The following SLC35F2 variants were observed in gnomAD, a reference collection of about 807,000 sequenced individuals.
The protein encoded by SLC35F2 is queuine/queuosine transporter SLC35F2.
Under a neutral mutation model 38.1 loss-of-function variants are expected in SLC35F2, and 25 were observed. The observed-to-expected ratio is 0.66, with a 90% confidence interval of 0.48 to 0.92. The LOEUF (loss-of-function observed/expected upper bound fraction) is 0.92. Among genes scored for constraint, SLC35F2 ranks in the 40% least tolerant of loss-of-function variants. SLC35F2 has a pLI of 0.00. For synonymous variants in SLC35F2, 173 were observed against 181.7 expected, an observed-to-expected ratio of 0.95 and a Z score of 0.38; for missense variants, 409 against 452.9, an observed-to-expected ratio of 0.90 and a Z score of 0.88.
chr11:107,832,798 C>T (rs1859866638), intron 1 of SLC35F2, among the ~76,000 whole-genome samples: 1 of 152,134 alleles, frequency 6.6e-6, no homozygotes, highest in Non-Finnish European at 1.5e-5. Flanking sequence ...CAGAGTGAGA[C>T]CCTGTCTCAA....
At chr11:107,818,116 G>T (rs1347623800) in intron 1 of SLC35F2, among the ~76,000 whole-genome samples, 1 of 139,502 alleles carries the variant, frequency 7.2e-6, no homozygotes, top group Admixed American at 7.1e-5. Context: ...AAGAAAGAAA[G>T]AAAGAAAGAA....
Position 107,851,913 on chromosome 11 carries a change from T to C in SLC35F2, c.110+6745A>G, listed in dbSNP as rs186702679. On this transcript the variant is annotated intron_variant, in intron 1 of 7. Transcript: ENST00000525815. ...TTAAATAACACTATAAACAATACCC[T>C]TCAGCAGGGATACATACCAGCTTGG... Among the ~76,000 whole-genome samples the C allele has an allele frequency of 1.3e-3, 200 of 152,338 alleles. 1 individual carries two copies. The highest frequency in any genetic ancestry group is 4.7e-3 in the African/African-American group (196 of 41,580).
At chr11:107,833,371 T>A (rs1175572450) in intron 1 of SLC35F2, among the ~76,000 whole-genome samples, 1 of 151,834 alleles carries the variant, frequency 6.6e-6, no homozygotes, top group African/African-American at 2.4e-5. Flanking sequence ...AATACAAAAT[T>A]AGCCAGGCGT....
At chr11:107,851,583 T>TA (rs1021755694) in intron 1 of SLC35F2, among the ~76,000 whole-genome samples, 6 of 151,114 alleles carry the variant, frequency 4.0e-5, no homozygotes, top group African/African-American at 7.3e-5. Flanking sequence ...AAATTTTTTC[T>TA]AAAAAAAAGG....
intron 1 of SLC35F2, among the ~76,000 whole-genome samples, chr11:107,838,665 G>A (rs1269618954): frequency 2.5e-5 from 3 of 119,096 alleles, no homozygotes; most frequent in Non-Finnish European, 5.0e-5. Context: ...GTCTTGCTCT[G>A]TCCCCCAGGC....
At chr11:107,815,020 G>A (rs1409952768) in intron 2 of SLC35F2, among the ~76,000 whole-genome samples, 1 of 152,072 alleles carries the variant, frequency 6.6e-6, no homozygotes, top group Non-Finnish European at 1.5e-5. Flanking sequence ...GGAGGTTGCA[G>A]TGAGCCAAGA....
chr11:107,806,603 TAC>T, intron 4 of SLC35F2, 112 bp downstream of exon 4: 1 of 950,490 alleles, frequency 1.1e-6, no homozygotes, highest in Non-Finnish European at 1.7e-6. Context: ...TGTTCTCACC[TAC>T]ACAGTGACTT....
chr11:107,853,087 A>C lies in SLC35F2; in HGVS notation c.110+5571T>G, dbSNP rs576002732. Among the ~76,000 whole-genome samples, 20 of 152,120 alleles carry C rather than the reference A, an allele frequency of 1.3e-4. No homozygotes were observed. In the South Asian group the frequency reaches 3.9e-3, roughly 30 times the overall value. Reference sequence around the variant, plus strand: ...TCCAGCCCATGCCCCCTTCACACCAAGCTACTTGAAGTTCCTTAAGCAAAA... The same window carrying C: ...TCCAGCCCATGCCCCCTTCACACCACGCTACTTGAAGTTCCTTAAGCAAAA... On this transcript the variant is annotated intron_variant, in intron 1 of 7. Transcript: ENST00000525815.
chr11:107,807,271 CAAA>C (rs201964530), intron 3 of SLC35F2, among the ~76,000 whole-genome samples: 4 of 70,898 alleles, frequency 5.6e-5, no homozygotes, highest in Admixed American at 5.5e-4. Flanking sequence ...CCTGTCTGTA[CAAA>C]AAAAAAAAAA....
Position 107,827,642 on chromosome 11 carries a change from G to A in SLC35F2, c.111-11677C>T, listed in dbSNP as rs527618670. ...CATGCACCTGTAATCCCAGCTACTC[G>A]GAAGGCTGAGGCAAGAGAATCACTA... On this transcript the variant is annotated intron_variant, in intron 1 of 7. Transcript: ENST00000525815. Among the ~76,000 whole-genome samples the A allele has an allele frequency of 3.9e-4, 60 of 152,162 alleles. 1 individual carries two copies. Among genetic ancestry groups the A allele is most frequent in the Admixed American group, 3.6e-3 (55 of 15,272 alleles).
chr11:107,839,422 C>T (rs1419442128), intron 1 of SLC35F2, among the ~76,000 whole-genome samples: 2 of 152,130 alleles, frequency 1.3e-5, no homozygotes, highest in Admixed American at 6.6e-5. Context: ...GATCACACCA[C>T]TGCACTCCAG....
At chr11:107,833,207 A>C (rs1431428041) in intron 1 of SLC35F2, among the ~76,000 whole-genome samples, 1 of 152,160 alleles carries the variant, frequency 6.6e-6, no homozygotes, top group African/African-American at 2.4e-5. Flanking sequence ...GTGTGGTTGC[A>C]GATGAAGAAA....
intron 1 of SLC35F2, among the ~76,000 whole-genome samples, chr11:107,837,733 G>A (rs1024748250): frequency 5.9e-5 from 9 of 151,954 alleles, no homozygotes; most frequent in Non-Finnish European, 1.0e-4. Context: ...TGGGAATAAA[G>A]ATAGTAAGAA....
chr11:107,830,105 TA>T lies in SLC35F2; in HGVS notation c.111-14141del, dbSNP rs937523947. ...AGCAAGACCTCATCTCTATAAAAGT[TA>T]AAAAAAAAAAATTGTAATTAAAAAC... is the stretch of plus-strand genomic sequence containing the variant. On this transcript the variant is annotated intron_variant, in intron 1 of 7. Coordinates refer to ENST00000525815, the MANE Select transcript of SLC35F2 (RefSeq NM_017515.5). Among the ~76,000 whole-genome samples, 586 of 145,660 alleles carry T rather than the reference TA, an allele frequency of 4.0e-3. 2 individuals carry two copies. Among genetic ancestry groups the T allele is most frequent in the African/African-American group, 0.013 (501 of 40,076 alleles).
intron 1 of SLC35F2, among the ~76,000 whole-genome samples, chr11:107,818,228 T>C (rs528027406): frequency 3.9e-5 from 6 of 151,938 alleles, no homozygotes; most frequent in African/African-American, 1.4e-4. Context: ...GCCCAGGAGT[T>C]TGAGACCAGC....
rs34376803 is a variant in SLC35F2, at chr11:107,833,518, C to CAAAAAAAAAAAAAAAA, written c.111-17569_111-17554dup. On this transcript the variant is annotated intron_variant, in intron 1 of 7. Transcript: ENST00000525815. ...TGGGCATCAGAGTGAGACTCTGTCT[C>CAAAAAAAAAAAAAAAA]AAAAAAAAAAAAAAAAAAAGGAGAG... Among the ~76,000 whole-genome samples, 489 of 89,454 alleles carry CAAAAAAAAAAAAAAAA rather than the reference C, an allele frequency of 5.5e-3. 20 individuals are homozygous for CAAAAAAAAAAAAAAAA. The highest frequency in any genetic ancestry group is 0.022 in the African/African-American group (461 of 20,494). The allele number at this position is 89,454 out of a possible 152,430, so 58.7% of individuals were successfully genotyped here.
chr11:107,843,757 G>A (rs1477558640), intron 1 of SLC35F2, among the ~76,000 whole-genome samples: 1 of 148,516 alleles, frequency 6.7e-6, no homozygotes, highest in East Asian at 2.0e-4. Context: ...GGAGGCCAAG[G>A]CAGGAGGATC....
At chr11:107,799,725 A>G (rs1452750148) in intron 7 of SLC35F2, among the ~76,000 whole-genome samples, 1 of 151,876 alleles carries the variant, frequency 6.6e-6, no homozygotes, top group Non-Finnish European at 1.5e-5. Context: ...GATGCACGCC[A>G]CCACTCCAAG....
chr11:107,817,674 A>G (rs989009983), intron 1 of SLC35F2, among the ~76,000 whole-genome samples: 1 of 152,156 alleles, frequency 6.6e-6, no homozygotes, highest in Non-Finnish European at 1.5e-5. Context: ...AGCTTATTTC[A>G]TTTTTAATTT....
Sources: allele counts gnomAD v4.1 joint callset (sites outside exome capture counted in the v4.1 genomes callset), GRCh38; gene constraint gnomAD v4.1.1; transcripts MANE v1.5; gene names NCBI Gene and HGNC (gene_info 2026-07-23, HGNC 2026-07-21).